The following TAFA1 variants were observed in gnomAD, a reference collection of about 807,000 sequenced individuals.
TAFA1 encodes chemokine-like protein TAFA-1.
Under a neutral mutation model 18.5 loss-of-function variants are expected in TAFA1, and 4 were observed. That is an observed-to-expected ratio of 0.22 (90% confidence interval 0.11 to 0.49). TAFA1 has a LOEUF of 0.49. TAFA1 is among the 20% of genes least tolerant of loss of function. TAFA1 has a pLI of 0.98. For synonymous variants in TAFA1, 56 were observed against 55.2 expected (o/e 1.01, Z -0.06); for missense variants, 147 against 169.0 (o/e 0.87, Z 0.72).
At chr3:68,538,734 G>A (rs775917211) in intron 3 of TAFA1, 22 bp from the exon 4 acceptor site, 5 of 1,612,396 alleles carry the variant, frequency 3.1e-6, no homozygotes, top group South Asian at 2.2e-5. Context: ...TGCAAACACA[G>A]TTGTTTCCTG....
At chr3:68,171,220 A>T (rs1381135336) in intron 2 of TAFA1, among the ~76,000 whole-genome samples, 1 of 151,982 alleles carries the variant, frequency 6.6e-6, no homozygotes, top group Non-Finnish European at 1.5e-5. Flanking sequence ...GAGTGATACA[A>T]TGTGAGGAAG....
At chr3:67,995,382 G>C in the TAFA1 span, among the ~76,000 whole-genome samples, 1 of 152,130 alleles carries the variant, frequency 6.6e-6, no homozygotes, top group Non-Finnish European at 1.5e-5. Flanking sequence ...GTGGGGGCCA[G>C]GGCATTTAGA....
intron 2 of TAFA1, among the ~76,000 whole-genome samples, chr3:68,274,082 C>T (rs1280121850): frequency 6.6e-6 from 1 of 152,124 alleles, no homozygotes; most frequent in African/African-American, 2.4e-5. Flanking sequence ...TTATTAAGAA[C>T]TGTGGGAGTT....
chr3:68,478,120 C>A (rs1037922365), intron 3 of TAFA1, among the ~76,000 whole-genome samples: 1 of 152,190 alleles, frequency 6.6e-6, no homozygotes, highest in Admixed American at 6.5e-5. Context: ...CAGACGTATT[C>A]CTTGTGATTC....
chr3:68,249,369 G>T (rs2067146827), intron 2 of TAFA1, among the ~76,000 whole-genome samples: 1 of 152,112 alleles, frequency 6.6e-6, no homozygotes, highest in African/African-American at 2.4e-5. Context: ...AATTCTACTT[G>T]GGAGAAAATG....
chr3:68,310,662 A>G (rs1459098013), intron 2 of TAFA1, among the ~76,000 whole-genome samples: 1 of 152,208 alleles, frequency 6.6e-6, no homozygotes, highest in Non-Finnish European at 1.5e-5. Flanking sequence ...AATTCATTTT[A>G]AAATTTAGTT....
At chr3:68,109,322 C>T (rs138469000) in intron 2 of TAFA1, among the ~76,000 whole-genome samples, 3,811 of 152,132 alleles carry the variant, frequency 0.025, 84 homozygotes, top group Middle Eastern at 0.051. Context: ...GTGTGTTCTC[C>T]GTTTCAGCAA....
chr3:68,375,464 A>T (rs1003344920), intron 2 of TAFA1, among the ~76,000 whole-genome samples: 2 of 152,200 alleles, frequency 1.3e-5, no homozygotes, highest in African/African-American at 4.8e-5. Flanking sequence ...GCAAAAAAGA[A>T]TGGAGATGAA....
intron 3 of TAFA1, among the ~76,000 whole-genome samples, chr3:68,499,257 G>A (rs1044358727): frequency 1.4e-4 from 17 of 121,218 alleles, no homozygotes; most frequent in Non-Finnish European, 3.2e-4. Context: ...CTCTTTATAT[G>A]TTAAAAGAAA....
chr3:68,076,682 C>A (rs2064829658), intron 2 of TAFA1, among the ~76,000 whole-genome samples: 1 of 152,262 alleles, frequency 6.6e-6, no homozygotes, highest in Non-Finnish European at 1.5e-5. Context: ...GTATATGTGC[C>A]ACATTATCTT....
intron 2 of TAFA1, among the ~76,000 whole-genome samples, chr3:68,066,433 T>C (rs1254654011): frequency 6.6e-6 from 1 of 152,228 alleles, no homozygotes. Flanking sequence ...TCTGTAGATA[T>C]ATGTAAGCAC....
chr3:68,415,213 A>G (rs1201637010), intron 2 of TAFA1, among the ~76,000 whole-genome samples: 1 of 152,122 alleles, frequency 6.6e-6, no homozygotes, highest in Non-Finnish European at 1.5e-5. Flanking sequence ...CCTCCTGCAT[A>G]TAGCTTACCA....
chr3:68,497,078 T>C (rs1196190837), intron 3 of TAFA1, among the ~76,000 whole-genome samples: 1 of 152,208 alleles, frequency 6.6e-6, no homozygotes, highest in African/African-American at 2.4e-5. Flanking sequence ...TTGTACATTG[T>C]AAGTGTTTGG....
intron 2 of TAFA1, among the ~76,000 whole-genome samples, chr3:68,068,714 G>A (rs1011706242): frequency 2.0e-5 from 3 of 152,084 alleles, no homozygotes; most frequent in South Asian, 2.1e-4. Flanking sequence ...TTCTAGTAGC[G>A]TGGTTTGTCA....
intron 2 of TAFA1, among the ~76,000 whole-genome samples, chr3:68,231,318 A>G (rs1253703879): frequency 2.7e-5 from 4 of 150,088 alleles, no homozygotes; most frequent in African/African-American, 7.3e-5. Flanking sequence ...CATATCTGTC[A>G]ATCTACCCAT....
chr3:68,379,621 G>C (rs764749386), intron 2 of TAFA1, among the ~76,000 whole-genome samples: 5 of 151,944 alleles, frequency 3.3e-5, no homozygotes, highest in African/African-American at 2.4e-5. Flanking sequence ...ATTTTTAGAG[G>C]TTTGGGTTTT....
At chr3:68,026,662 A>G (rs980035236) in intron 2 of TAFA1, among the ~76,000 whole-genome samples, 3 of 152,092 alleles carry the variant, frequency 2.0e-5, no homozygotes, top group Non-Finnish European at 2.9e-5. Flanking sequence ...AAATTTCCCA[A>G]TGTCTCACAG....
intron 2 of TAFA1, among the ~76,000 whole-genome samples, chr3:68,054,245 A>G (rs2064506170): frequency 6.6e-6 from 1 of 152,092 alleles, no homozygotes; most frequent in Non-Finnish European, 1.5e-5. Context: ...TGAGTAGATG[A>G]ATGTCTTCCC....
chr3:68,503,466 T>A (rs1255380332), intron 3 of TAFA1, among the ~76,000 whole-genome samples: 1 of 152,090 alleles, frequency 6.6e-6, no homozygotes, highest in Non-Finnish European at 1.5e-5. Flanking sequence ...TGATATGAAA[T>A]GTCCAGAATA....
Sources: allele counts gnomAD v4.1 joint callset (sites outside exome capture counted in the v4.1 genomes callset), GRCh38; gene constraint gnomAD v4.1.1; transcripts MANE v1.5; gene names NCBI Gene and HGNC (gene_info 2026-07-23, HGNC 2026-07-21).